The following CSMD3 variants were observed in gnomAD, a reference collection of about 807,000 sequenced individuals.
CSMD3 encodes the protein CUB and Sushi multiple domains 3, also known as CUB and sushi domain-containing protein 3.
CSMD3 carries 177 observed loss-of-function variants against 435.2 expected under a neutral mutation model. That is an observed-to-expected ratio of 0.41 (90% CI 0.36 to 0.46). The LOEUF (loss-of-function observed/expected upper bound fraction) is 0.46. Ranked by LOEUF, CSMD3 falls within the 20% of genes least tolerant of loss-of-function variation. The pLI is 0.34. For synonymous variants in CSMD3, 1,656 were observed against 1,520.5 expected (o/e 1.09, Z -2.07); for missense variants, 4,265 against 4,504.6 (o/e 0.95, Z 1.52).
intron 4 of CSMD3, among the ~76,000 whole-genome samples, chr8:113,118,893 G>A (rs540537637): frequency 6.6e-6 from 1 of 152,022 alleles, no homozygotes; most frequent in Non-Finnish European, 1.5e-5. Context: ...ATTTCATTTC[G>A]CTCTTGCTAT....
At chr8:113,155,948 G>A (rs2131811387) in intron 4 of CSMD3, among the ~76,000 whole-genome samples, 1 of 152,122 alleles carries the variant, frequency 6.6e-6, no homozygotes, top group East Asian at 1.9e-4. Context: ...TTTCTATAAT[G>A]ATTCTGAAAG....
At chr8:112,480,406 A>C (rs1191093109) in intron 31 of CSMD3, among the ~76,000 whole-genome samples, 1 of 152,186 alleles carries the variant, frequency 6.6e-6, no homozygotes, top group Admixed American at 6.5e-5. Flanking sequence ...CAATGTGAGA[A>C]GGATATAAGA....
chr8:112,509,932 A>G (rs1822928997), intron 28 of CSMD3, among the ~76,000 whole-genome samples: 1 of 152,128 alleles, frequency 6.6e-6, no homozygotes, highest in African/African-American at 2.4e-5. Context: ...TGGTACATCA[A>G]ATATAGAATA....
chr8:113,116,860 T>G (rs1446627535), intron 4 of CSMD3, among the ~76,000 whole-genome samples: 1 of 152,128 alleles, frequency 6.6e-6, no homozygotes, highest in Non-Finnish European at 1.5e-5. Flanking sequence ...ACTCTTGCTA[T>G]GCAAAAAGAC....
chr8:112,518,656 G>GA (rs59129725), intron 27 of CSMD3, among the ~76,000 whole-genome samples: 4 of 150,542 alleles, frequency 2.7e-5, no homozygotes, highest in African/African-American at 7.3e-5. Flanking sequence ...GAGAGAGAGA[G>GA]GGAAACTTAC....
chr8:113,424,979 C>G (rs986542939), intron 1 of CSMD3, among the ~76,000 whole-genome samples: 3 of 151,440 alleles, frequency 2.0e-5, no homozygotes, highest in African/African-American at 4.8e-5. Context: ...ATTATATACA[C>G]AGAAAGCCTG....
At chr8:112,499,402 G>C (rs1821706510) in intron 30 of CSMD3, among the ~76,000 whole-genome samples, 1 of 151,840 alleles carries the variant, frequency 6.6e-6, no homozygotes, top group Non-Finnish European at 1.5e-5. Context: ...AGACCGAGCA[G>C]GTCAAAAAAT....
intron 13 of CSMD3, among the ~76,000 whole-genome samples, chr8:112,794,286 T>A (rs1378899589): frequency 2.9e-5 from 2 of 70,012 alleles, no homozygotes; most frequent in East Asian, 6.7e-4. Flanking sequence ...ACTGATAAAC[T>A]TTTTTTTTTT....
In CSMD3 at chr8:112,539,220, C is replaced by T. The variant is rs1826430322; in HGVS notation, c.4564+11451G>A. 10 of 152,728 alleles carry T rather than the reference C, an allele frequency of 6.5e-5. No individual in the cohort carries two copies. In the Admixed American group the frequency reaches 6.6e-4, roughly 10 times the overall value. The allele number at this position is 152,728 out of a possible 1,614,324, so 9.5% of individuals were successfully genotyped here. On this transcript the variant is annotated intron_variant, in intron 27 of 70. Transcript: ENST00000297405. ...GGCAATAACACTGAATTGGGTACAG[C>T]ATGTGAAATATACTACATACAATGC...
intron 3 of CSMD3, among the ~76,000 whole-genome samples, chr8:113,220,972 T>C (rs1231111502): frequency 6.6e-6 from 1 of 151,354 alleles, no homozygotes; most frequent in Non-Finnish European, 1.5e-5. Flanking sequence ...ATAAAAGTTA[T>C]ATTCTTTTAA....
intron 3 of CSMD3, among the ~76,000 whole-genome samples, chr8:113,254,515 C>A (rs1305326339): frequency 6.6e-6 from 1 of 152,122 alleles, no homozygotes; most frequent in Non-Finnish European, 1.5e-5. Flanking sequence ...CTTCTTTGCC[C>A]ATTATGTAAG....
At chr8:112,854,565 C>G (rs1444944943) in intron 11 of CSMD3, among the ~76,000 whole-genome samples, 2 of 152,048 alleles carry the variant, frequency 1.3e-5, no homozygotes, top group East Asian at 3.9e-4. Flanking sequence ...GCAGGTATGG[C>G]TAAAACATAC....
At chr8:112,730,723 A>G (rs569207454) in intron 13 of CSMD3, among the ~76,000 whole-genome samples, 1 of 152,188 alleles carries the variant, frequency 6.6e-6, no homozygotes, top group South Asian at 2.1e-4. Context: ...TTAAGAGGCC[A>G]GATCAATTGT....
chr8:113,098,717 A>G (rs779380622), intron 5 of CSMD3, 39 bp downstream of exon 5: 8 of 1,378,786 alleles, frequency 5.8e-6, no homozygotes, highest in Non-Finnish European at 7.2e-6. Context: ...GTTTGCTTCA[A>G]CAACATCAAT....
At chr8:113,355,818 C>T (rs1268282940) in intron 1 of CSMD3, among the ~76,000 whole-genome samples, 1 of 132,496 alleles carries the variant, frequency 7.5e-6, no homozygotes, top group East Asian at 2.3e-4. Context: ...ATTTATCTAT[C>T]AACCAAAAAA....
At chr8:112,354,191 A>G (rs1826385708) in intron 38 of CSMD3, among the ~76,000 whole-genome samples, 1 of 152,124 alleles carries the variant, frequency 6.6e-6, no homozygotes, top group Non-Finnish European at 1.5e-5. Context: ...TTAAAGTAAC[A>G]CATTTCAAAA....
intron 22 of CSMD3, among the ~76,000 whole-genome samples, chr8:112,635,504 A>G (rs2131575469): frequency 6.6e-6 from 1 of 152,070 alleles, no homozygotes; most frequent in East Asian, 1.9e-4. Flanking sequence ...AGTAACAACA[A>G]AATGTCCTTA....
chr8:112,371,762 C>T (rs947571121), intron 38 of CSMD3, among the ~76,000 whole-genome samples: 1 of 151,918 alleles, frequency 6.6e-6, no homozygotes, highest in African/African-American at 2.4e-5. Context: ...GTGGTGCATG[C>T]CTGTAATCCC....
rs572450246 is a variant in CSMD3, at chr8:112,824,762, G to GA, written c.1859+4923dup. On this transcript the variant is annotated intron_variant, in intron 12 of 70. Coordinates refer to ENST00000297405, the MANE Select transcript of CSMD3 (RefSeq NM_198123.2). Reference sequence around the variant, plus strand: ...TTTTTTATTTTATTTCAGCCTTGGGGAATCTGATGATTTTGTGTCTTGGAG... The same window carrying GA: ...TTTTTTATTTTATTTCAGCCTTGGGGAAATCTGATGATTTTGTGTCTTGGAG... 5.5e-3 allele frequency among the ~76,000 whole-genome samples: 838 copies of GA among 152,206 alleles called. 1 individual carries two copies. The highest frequency in any genetic ancestry group is 8.2e-3 in the Non-Finnish European group (557 of 68,006).
Sources: gnomAD v4.1 joint callset for allele counts (sites outside exome capture counted in the v4.1 genomes callset) on GRCh38, gnomAD v4.1.1 for gene constraint, MANE v1.5 for transcripts, NCBI Gene and HGNC (gene_info 2026-07-23, HGNC 2026-07-21) for gene names.